The following PRRC2B variants were observed in gnomAD, a reference collection of about 807,000 sequenced individuals.
PRRC2B encodes the protein protein PRRC2B.
PRRC2B carries 68 observed loss-of-function variants against 242.3 expected under a neutral mutation model. That is an observed-to-expected ratio of 0.28 (90% CI 0.23 to 0.34). The LOEUF (loss-of-function observed/expected upper bound fraction) is 0.34, where lower values mean the gene tolerates loss of function less well. PRRC2B is among the 10% of genes least tolerant of loss of function. The probability of loss-of-function intolerance (pLI) is 1.00; values close to 1 mark genes in which losing one functional copy is unlikely to be tolerated. For synonymous variants in PRRC2B, 1,228 were observed against 1,173.6 expected (o/e 1.05, Z -0.95); for missense variants, 2,835 against 2,954.8 (o/e 0.96, Z 0.94).
chr9:131,409,403 C>T (rs997337079), intron 1 of PRRC2B, among the ~76,000 whole-genome samples: 1 of 152,154 alleles, frequency 6.6e-6, no homozygotes, highest in Non-Finnish European at 1.5e-5. Context: ...AGGCTGGTCT[C>T]GAACGCCTGA....
intron 2 of PRRC2B, among the ~76,000 whole-genome samples, chr9:131,431,100 G>A (rs1838152516): frequency 6.6e-6 from 1 of 151,944 alleles, no homozygotes; most frequent in South Asian, 2.1e-4. Context: ...ACAGGCATGT[G>A]CCACCACGCC....
At chr9:131,379,774 C>T (rs555717320) in intron 1 of PRRC2B, among the ~76,000 whole-genome samples, 7 of 150,968 alleles carry the variant, frequency 4.6e-5, no homozygotes, top group East Asian at 4.0e-4. Context: ...TACAGGCACA[C>T]GCCACCATGC....
At chr9:131,413,391 C>T (rs1409024805) in intron 1 of PRRC2B, among the ~76,000 whole-genome samples, 1 of 152,188 alleles carries the variant, frequency 6.6e-6, no homozygotes, top group Non-Finnish European at 1.5e-5. Flanking sequence ...CTCCTTTGTT[C>T]GGTGGCAAAA....
chr9:131,425,755 T>G (rs966481499), intron 1 of PRRC2B, among the ~76,000 whole-genome samples: 2 of 151,968 alleles, frequency 1.3e-5, no homozygotes, highest in East Asian at 3.9e-4. Context: ...CCCAAAGTGC[T>G]GGGATTACAG....
chr9:131,397,516 A>G (rs983218150), intron 1 of PRRC2B, among the ~76,000 whole-genome samples: 1 of 137,292 alleles, frequency 7.3e-6, no homozygotes, highest in Non-Finnish European at 1.6e-5. Context: ...TTTGAATTTC[A>G]GTTCTCTTTT....
chr9:131,463,576 C>T (rs894816819), intron 11 of PRRC2B, among the ~76,000 whole-genome samples: 4 of 149,652 alleles, frequency 2.7e-5, no homozygotes, highest in Admixed American at 1.3e-4. Flanking sequence ...TGGCAACCAG[C>T]AAGAAACTCA....
chr9:131,454,970 C>T, intron 9 of PRRC2B, 106 bp from the exon 10 acceptor site: 1 of 813,138 alleles, frequency 1.2e-6, no homozygotes, highest in Non-Finnish European at 2.0e-6. Flanking sequence ...GATCCGCCCA[C>T]CTCAGCCTCG....
At position 131,499,682 on chromosome 9, in the gene PRRC2B, C is replaced by CT. The variant is rs1329766535; in HGVS notation, c.*3810dup. ...CCTGCTCTTCACTGTTTCCACCCCA[C>CT]TTGGTGGCCTCCAGGATGGTAGTGG... On this transcript the variant is annotated 3_prime_UTR_variant, in exon 32 of 32. Transcript: ENST00000683519. The CT allele has an allele frequency of 6.6e-6, 1 of 152,170 alleles. No individual in the cohort carries two copies. Among genetic ancestry groups the CT allele is most frequent in the East Asian group, 1.9e-4 (1 of 5,194 alleles). The allele number at this position is 152,170 out of a possible 1,614,324, so 9.4% of individuals were successfully genotyped here.
Position 131,446,989 on chromosome 9 carries a change from T to A in PRRC2B, c.856-96T>A. ...ACCCCATGACTTTCCTGTTTCTTTT[T>A]CCCATTTTCCACTTTATAAAACACA... On this transcript the variant is annotated intron_variant, in intron 7 of 31. Coordinates refer to ENST00000683519, the MANE Select transcript of PRRC2B (RefSeq NM_013318.4). The surrounding 1 kb of genome is among the most constrained non-coding windows in gnomAD (Gnocchi z 4.1). The A allele has an allele frequency of 6.7e-7, 1 of 1,498,204 alleles. No homozygotes were observed. Among genetic ancestry groups the A allele is most frequent in the Admixed American group, 1.8e-5 (1 of 54,266 alleles). 92.8% of individuals were successfully genotyped at this position (1,498,204 alleles called of 1,614,324 possible).
At chr9:131,455,265 C>A in intron 10 of PRRC2B, 99 bp downstream of exon 10, 1 of 781,342 alleles carries the variant, frequency 1.3e-6, no homozygotes, top group Non-Finnish European at 2.1e-6. Context: ...CCTGGAATGG[C>A]AGACAGATGC....
chr9:131,386,811 T>G (rs1836831828), intron 1 of PRRC2B, among the ~76,000 whole-genome samples: 1 of 149,254 alleles, frequency 6.7e-6, no homozygotes, highest in African/African-American at 2.4e-5. Flanking sequence ...GTAGGATATA[T>G]ATAATCATAT....
chr9:131,421,659 G>C (rs1411008637), intron 1 of PRRC2B, among the ~76,000 whole-genome samples: 1 of 152,200 alleles, frequency 6.6e-6, no homozygotes, highest in Non-Finnish European at 1.5e-5. Flanking sequence ...GTCGGGCCTT[G>C]GGCCTTTGTC....
chr9:131,412,673 C>G lies in PRRC2B; in HGVS notation c.-51-17421C>G, dbSNP rs373847104. Among the ~76,000 whole-genome samples, 3 of 152,250 alleles carry G rather than the reference C, an allele frequency of 2.0e-5. No individual in the cohort carries two copies. The South Asian group carries it at 6.2e-4, about 32-fold the overall frequency. On this transcript the variant is annotated intron_variant, in intron 1 of 31. Coordinates refer to ENST00000683519, the MANE Select transcript of PRRC2B (RefSeq NM_013318.4). ...ATTAACCGCTGGATTCCCTGTAATT[C>G]TAGTGAAAATCCCAGCAGCTTTTCT...
chr9:131,378,144 A>G (rs980004752), intron 1 of PRRC2B, among the ~76,000 whole-genome samples: 13 of 151,924 alleles, frequency 8.6e-5, no homozygotes, highest in African/African-American at 3.1e-4. Context: ...CCCTGTCTCT[A>G]CTAAAAATTC....
intron 1 of PRRC2B, among the ~76,000 whole-genome samples, chr9:131,404,469 G>A (rs987935401): frequency 2.6e-5 from 4 of 152,044 alleles, no homozygotes; most frequent in Non-Finnish European, 5.9e-5. Flanking sequence ...CGAGCCACCC[G>A]CCTCAGCCTC....
At chr9:131,461,059 T>C (rs1307508384) in intron 11 of PRRC2B, among the ~76,000 whole-genome samples, 1 of 152,216 alleles carries the variant, frequency 6.6e-6, no homozygotes, top group African/African-American at 2.4e-5. Context: ...TTCCACAGAC[T>C]TTGTTCCACT....
intron 2 of PRRC2B, among the ~76,000 whole-genome samples, chr9:131,432,175 C>T (rs1838198717): frequency 6.6e-6 from 1 of 152,188 alleles, no homozygotes; most frequent in Admixed American, 6.5e-5. Context: ...TTTCACACCC[C>T]ATGAAGACTT....
rs372600088 is a variant in PRRC2B, at chr9:131,487,832, C to T, written c.5985-24C>T. On this transcript the variant is annotated intron_variant, in intron 27 of 31. Coordinates refer to ENST00000683519, the MANE Select transcript of PRRC2B (RefSeq NM_013318.4). This position sits in a 1 kb window ranked among gnomAD's most constrained non-coding sequence, Gnocchi z 5.3. ...GCAGCTGGACTCATCCACCTGATCCCGACCATCTGTCTGGCTTTTGCAGAT... is the reference window on the plus strand; with the variant it reads ...GCAGCTGGACTCATCCACCTGATCCTGACCATCTGTCTGGCTTTTGCAGAT... 34 of 1,594,792 alleles carry T rather than the reference C, an allele frequency of 2.1e-5. No individual in the cohort carries two copies. The highest frequency in any genetic ancestry group is 1.7e-4 in the Middle Eastern group (1 of 5,996).
At position 131,438,341 on chromosome 9, in the gene PRRC2B, C is replaced by T. The variant is rs1838441518; in HGVS notation, c.397-648C>T. On this transcript the variant is annotated intron_variant, in intron 4 of 31. Coordinates refer to ENST00000683519, the MANE Select transcript of PRRC2B (RefSeq NM_013318.4). Reference sequence around the variant, plus strand: ...CTGACTCAGTCACTCTTCTCTGAGCCTCAGTGGGGGATGTGACTAGAGCCT... The same window carrying T: ...CTGACTCAGTCACTCTTCTCTGAGCTTCAGTGGGGGATGTGACTAGAGCCT... Among the ~76,000 whole-genome samples, 4 of 152,182 alleles carry T rather than the reference C, an allele frequency of 2.6e-5. 1 individual carries two copies. In the South Asian group the frequency reaches 8.3e-4, roughly 32 times the overall value.
Sources: allele counts gnomAD v4.1 joint callset (sites outside exome capture counted in the v4.1 genomes callset), GRCh38; gene constraint gnomAD v4.1.1; non-coding constraint Gnocchi (gnomAD v3.1); transcripts MANE v1.5; gene names NCBI Gene and HGNC (gene_info 2026-07-23, HGNC 2026-07-21).